The following EPHA4 variants were observed in gnomAD, a reference collection of about 807,000 sequenced individuals.
EPHA4 encodes EPH receptor A4.
EPHA4 carries 19 observed loss-of-function variants against 108.3 expected under a neutral mutation model. The observed-to-expected ratio is 0.18, with a 90% CI of 0.12 to 0.26. The LOEUF (loss-of-function observed/expected upper bound fraction) is 0.26. EPHA4 is among the 10% of genes least tolerant of loss of function. The probability of loss-of-function intolerance (pLI) is 1.00; values close to 1 mark genes in which losing one functional copy is unlikely to be tolerated. For synonymous variants in EPHA4, 449 were observed against 455.5 expected (o/e 0.99, Z 0.18); for missense variants, 917 against 1,254.0 (o/e 0.73, Z 4.06).
intron 3 of EPHA4, among the ~76,000 whole-genome samples, chr2:221,557,521 A>G (rs1431684553): frequency 6.6e-6 from 1 of 152,224 alleles, no homozygotes; most frequent in Non-Finnish European, 1.5e-5. Context: ...CAATTTGCAA[A>G]CGTGAACTTG....
At chr2:221,544,472 T>C (rs1693926532) in intron 3 of EPHA4, among the ~76,000 whole-genome samples, 1 of 152,112 alleles carries the variant, frequency 6.6e-6, no homozygotes, top group Non-Finnish European at 1.5e-5. Flanking sequence ...ATTACAGGCA[T>C]GCACCACCAG....
chr2:221,429,634 A>G (rs1690013070), intron 15 of EPHA4, among the ~76,000 whole-genome samples: 1 of 152,168 alleles, frequency 6.6e-6, no homozygotes, highest in South Asian at 2.1e-4. Context: ...ACTGATCTGA[A>G]CGTCTTCTAA....
chr2:221,564,658 G>A (rs904958582), intron 2 of EPHA4, among the ~76,000 whole-genome samples: 5 of 151,476 alleles, frequency 3.3e-5, no homozygotes, highest in South Asian at 4.2e-4. Flanking sequence ...GTGAGTTCTC[G>A]GCAGTTCCTT....
intron 11 of EPHA4, among the ~76,000 whole-genome samples, chr2:221,441,275 G>A (rs1690420385): frequency 6.6e-6 from 1 of 150,716 alleles, no homozygotes; most frequent in Non-Finnish European, 1.5e-5. Context: ...CCTGGACTGG[G>A]GTGCAGTGGT....
At chr2:221,483,089 T>C (rs1245159131) in intron 4 of EPHA4, among the ~76,000 whole-genome samples, 1 of 152,232 alleles carries the variant, frequency 6.6e-6, no homozygotes, top group Non-Finnish European at 1.5e-5. Context: ...TTAATAGTTA[T>C]ATACCACTTC....
chr2:221,455,506 G>T (rs780385114), intron 8 of EPHA4, 41 bp downstream of exon 8: 5 of 1,458,170 alleles, frequency 3.4e-6, no homozygotes, highest in Non-Finnish European at 4.8e-6. Flanking sequence ...ATAAACACTG[G>T]GAAGGTCGGG....
rs776646746 is a variant in EPHA4, at chr2:221,564,025, T to C, written c.529A>G (p.Ser177Gly). ...NTEIRDVGPL[S>G]KKGFYLAFQD... ...AAAGCCAGGTAAAACCCCTTTTTGC[T>C]TAATGGCCCTACATCCCGGATCTCG... Residue 177 changes from serine (S) to glycine (G), a missense_variant, in exon 3 of 18, where the codon AGC (serine) becomes GGC (glycine). Coordinates refer to ENST00000281821, the MANE Select transcript of EPHA4 (RefSeq NM_004438.5). 5.0e-6 allele frequency: 8 copies of C among 1,613,916 alleles called. No individual in the cohort carries two copies. The highest frequency in any genetic ancestry group is 6.8e-6 in the Non-Finnish European group (8 of 1,179,980).
intron 3 of EPHA4, among the ~76,000 whole-genome samples, chr2:221,511,336 A>T (rs771898785): frequency 6.6e-6 from 1 of 152,156 alleles, no homozygotes; most frequent in South Asian, 2.1e-4. Flanking sequence ...AGGAGTATGC[A>T]CCTATAACAA....
chr2:221,514,677 C>T (rs773215410), intron 3 of EPHA4, among the ~76,000 whole-genome samples: 2 of 152,096 alleles, frequency 1.3e-5, no homozygotes, highest in Non-Finnish European at 2.9e-5. Context: ...AAATGGCATG[C>T]AGGAGAAATA....
At chr2:221,479,395 G>T (rs1691753594) in intron 5 of EPHA4, among the ~76,000 whole-genome samples, 1 of 152,198 alleles carries the variant, frequency 6.6e-6, no homozygotes, top group South Asian at 2.1e-4. Context: ...ACATATTACT[G>T]ATGAGAGAAA....
chr2:221,482,897 G>A (rs1022256073), intron 4 of EPHA4, among the ~76,000 whole-genome samples: 19 of 152,144 alleles, frequency 1.2e-4, no homozygotes, highest in African/African-American at 4.3e-4. Context: ...TCTTTCCCAC[G>A]CAAACAAACA....
intron 3 of EPHA4, among the ~76,000 whole-genome samples, chr2:221,504,539 TTATATA>T (rs10556912): frequency 0.71 from 104,919 of 148,266 alleles, 37,249 homozygotes; most frequent in East Asian, 0.99. Flanking sequence ...TTTGAAAATT[TTATATA>T]TATATATATA....
chr2:221,557,953 T>C (rs1437284069), intron 3 of EPHA4, among the ~76,000 whole-genome samples: 1 of 152,208 alleles, frequency 6.6e-6, no homozygotes, highest in Non-Finnish European at 1.5e-5. Flanking sequence ...TATACATGTA[T>C]GATTACACAT....
chr2:221,442,635 T>C (rs553375426), intron 11 of EPHA4, among the ~76,000 whole-genome samples, 194 bp downstream of exon 11: 112 of 152,286 alleles, frequency 7.4e-4, no homozygotes, highest in Non-Finnish European at 1.4e-3. Flanking sequence ...CAAGCTGCCT[T>C]GGAGATAGGG....
chr2:221,552,622 C>G (rs553133126), intron 3 of EPHA4, among the ~76,000 whole-genome samples: 1 of 152,318 alleles, frequency 6.6e-6, no homozygotes, highest in South Asian at 2.1e-4. Flanking sequence ...CTGGGCACTT[C>G]AAAAGGAAAC....
intron 17 of EPHA4, among the ~76,000 whole-genome samples, chr2:221,423,519 G>A (rs966761895): frequency 3.3e-5 from 5 of 152,248 alleles, no homozygotes; most frequent in African/African-American, 1.2e-4. Context: ...TGCATATGTT[G>A]AAATTTTGAA....
At chr2:221,453,564 A>G (rs1423469188) in intron 8 of EPHA4, among the ~76,000 whole-genome samples, 1 of 152,212 alleles carries the variant, frequency 6.6e-6, no homozygotes, top group Admixed American at 6.5e-5. Context: ...AAATCTATGC[A>G]GGTCAACCTT....
intron 3 of EPHA4, among the ~76,000 whole-genome samples, chr2:221,522,942 G>A (rs532677432): frequency 6.6e-6 from 1 of 151,794 alleles, no homozygotes; most frequent in African/African-American, 2.4e-5. Context: ...ATTTTTGACG[G>A]GGTTTCACCA....
intron 14 of EPHA4, 69 bp from the exon 15 acceptor site, chr2:221,430,220 C>G (rs951963977): frequency 6.1e-6 from 9 of 1,482,494 alleles, no homozygotes; most frequent in Middle Eastern, 2.5e-4. Context: ...ACCCTTCCGA[C>G]TGGCATGTTT....
Sources: gnomAD v4.1 joint callset for allele counts (sites outside exome capture counted in the v4.1 genomes callset) on GRCh38, gnomAD v4.1.1 for gene constraint, MANE v1.5 for transcripts, NCBI Gene and HGNC (gene_info 2026-07-23, HGNC 2026-07-21) for gene names.